The following GSTZ1 variants were observed in gnomAD, a reference collection of about 807,000 sequenced individuals.
GSTZ1 encodes the protein glutathione S-transferase zeta 1, also known as maleylacetoacetate isomerase.
Under a neutral mutation model 35.9 loss-of-function variants are expected in GSTZ1, and 34 were observed. The ratio of observed to expected loss-of-function variants is 0.95; its 90% CI spans 0.72 to 1.26. GSTZ1 has a LOEUF of 1.26. Among genes scored for constraint, GSTZ1 ranks in the 50% most tolerant of loss-of-function variants. GSTZ1 has a pLI of 0.00. For synonymous variants in GSTZ1, 93 were observed against 101.2 expected (o/e 0.92, Z 0.49); for missense variants, 263 against 271.7 (o/e 0.97, Z 0.23).
chr14:77,330,331 T>C lies in GSTZ1; in HGVS notation c.496T>C (p.Leu166=), dbSNP rs149212776. 38 of 1,613,754 alleles carry C rather than the reference T, an allele frequency of 2.4e-5. No homozygotes were observed. The African/African-American group carries it at 4.8e-4, about 20-fold the overall frequency. Residue 166 remains leucine (L), a synonymous_variant, in exon 8 of 9, where the codon TTG becomes CTG. Coordinates refer to ENST00000216465, the MANE Select transcript of GSTZ1 (RefSeq NM_145870.3). ...TCAGGTGACCATGGCTGATCTGTGC[T>C]TGGTGCCTCAGGTGGCAAATGCTGA... ...GDEVTMADLC[L]VPQVANAERF...
At chr14:77,326,800 G>A in intron 2 of GSTZ1, 38 bp from the exon 3 acceptor site, 2 of 1,467,764 alleles carry the variant, frequency 1.4e-6, no homozygotes, top group East Asian at 2.3e-5. Flanking sequence ...TACGGCGAGA[G>A]GCTGTTCTTT....
At chr14:77,327,079 C>T (rs898713748) in intron 3 of GSTZ1, 174 bp downstream of exon 3, 1 of 622,144 alleles carries the variant, frequency 1.6e-6, no homozygotes, top group Non-Finnish European at 2.9e-6. Flanking sequence ...TGTGCAGTAG[C>T]AGGAGGCCTG....
intron 5 of GSTZ1, 98 bp from the exon 6 acceptor site, chr14:77,329,025 G>C (rs1771984840): frequency 5.8e-6 from 5 of 857,590 alleles, no homozygotes; most frequent in Middle Eastern, 2.2e-4. Context: ...CATCCAGCCA[G>C]GGGCAGATGG....
At position 77,324,886 on chromosome 14, in the gene GSTZ1, A is replaced by G. The variant is rs916906051; in HGVS notation, c.32A>G (p.Tyr11Cys). The G allele has an allele frequency of 3.1e-6, 5 of 1,613,816 alleles. No individual in the cohort carries two copies. Among genetic ancestry groups the G allele is most frequent in the Non-Finnish European group, 3.4e-6 (4 of 1,179,886 alleles). The change falls in exon 2 of 9, where the codon TAT (tyrosine) becomes TGT (cysteine). Residue 11 changes from tyrosine to cysteine, a missense_variant. Coordinates refer to ENST00000216465, the MANE Select transcript of GSTZ1 (RefSeq NM_145870.3). ...TCTCCTCAGCCCATCCTCTATTCCT[A>G]TTTCCGAAGCTCCTGCTCATGGAGA... MQAGKPILYS[Y>C]FRSSCSWRVR...
chr14:77,329,756 C>T lies in GSTZ1; in HGVS notation c.423C>T (p.Ala141=), dbSNP rs774185416. ...GATGTTTATGTGGCCTCCCCACAGC[C>T]CTGGAGCAGATCCTACAGAGCACAG... ...AQNAITCGFN[A]LEQILQSTAG... is the part of the protein sequence containing the mutation. The change falls in exon 7 of 9, where the codon GCC becomes GCT. Residue 141 remains alanine (A), a splice_region_variant and synonymous_variant. Coordinates refer to ENST00000216465, the MANE Select transcript of GSTZ1 (RefSeq NM_145870.3). 1.9e-6 allele frequency: 3 copies of T among 1,613,070 alleles called. No homozygotes were observed. The highest frequency in any genetic ancestry group is 2.2e-5 in the South Asian group (2 of 91,044).
chr14:77,329,242 T>C, intron 6 of GSTZ1, 41 bp downstream of exon 6: 1 of 1,296,308 alleles, frequency 7.7e-7, no homozygotes, highest in East Asian at 2.3e-5. Context: ...AGTGGCCTCT[T>C]AGAGGTATGG....
intron 1 of GSTZ1, chr14:77,321,498 A>G (rs1891973317): frequency 3.6e-6 from 5 of 1,405,804 alleles, no homozygotes; most frequent in Non-Finnish European, 4.7e-6. Flanking sequence ...TAAGGCTTCC[A>G]AACGTCGCCC....
Position 77,327,045 on chromosome 14 carries a change from C to T in GSTZ1, c.135+140C>T, listed in dbSNP as rs1000138531. 7 of 673,290 alleles carry T rather than the reference C, an allele frequency of 1.0e-5. No homozygotes were observed. The Admixed American group carries it at 1.4e-4, about 14-fold the overall frequency. 41.7% of individuals were successfully genotyped at this position (673,290 alleles called of 1,614,324 possible). ...ATCACTGCAGGAGGCTGCTGGCTCT[C>T]CCTTGTGGGACAAGGTGGCAAGGTG... On this transcript the variant is annotated intron_variant, in intron 3 of 8. Transcript: ENST00000216465.
intron 1 of GSTZ1, 180 bp from the exon 2 acceptor site, chr14:77,324,690 C>A: frequency 1.5e-6 from 2 of 1,291,660 alleles, no homozygotes; most frequent in Non-Finnish European, 2.2e-6. Context: ...CTCAAACCAG[C>A]ATAATTTTGG....
chr14:77,327,554 T>A lies in GSTZ1; in HGVS notation c.216+2T>A, dbSNP rs1331991786. 6.3e-7 allele frequency: 1 copy of A among 1,593,322 alleles called. No homozygotes were observed. The highest frequency in any genetic ancestry group is 8.6e-7 in the Non-Finnish European group (1 of 1,164,678). On this transcript the variant is annotated splice_donor_variant, in intron 4 of 8. Transcript: ENST00000216465. LOFTEE classifies it high-confidence loss of function. The stretch of plus-strand genomic sequence containing the variant: ...GATGGAATCACCATTCACCAGTCAG[T>A]GAGTGCAGGGCCTGGGGGAGGGCCC...
chr14:77,327,168 GT>G lies in GSTZ1; in HGVS notation c.135+264del, dbSNP rs1004298072. On this transcript the variant is annotated intron_variant, in intron 3 of 8. Transcript: ENST00000216465. ...CCCTGGGAGGGTGGGTGGCTAGTGG[GT>G]CCCCACCCCATACTGGGCCCTCTGG... is the stretch of plus-strand genomic sequence containing the variant. The G allele has an allele frequency of 2.9e-5, 17 of 593,388 alleles. No homozygotes were observed. In the Admixed American group the frequency reaches 4.4e-4, roughly 16 times the overall value. The allele number at this position is 593,388 out of a possible 1,614,324, so 36.8% of individuals were successfully genotyped here.
chr14:77,326,673 A>G, intron 2 of GSTZ1, 165 bp from the exon 3 acceptor site: 1 of 588,630 alleles, frequency 1.7e-6, no homozygotes, highest in Non-Finnish European at 3.1e-6. Flanking sequence ...CGTGGTGACA[A>G]GGAAAGCTGA....
intron 1 of GSTZ1, among the ~76,000 whole-genome samples, chr14:77,322,241 A>G (rs919848162): frequency 6.6e-6 from 1 of 152,200 alleles, no homozygotes; most frequent in African/African-American, 2.4e-5. Context: ...CAGAATGCAT[A>G]TTTGAATTGG....
At chr14:77,323,219 G>A (rs1469941316) in intron 1 of GSTZ1, 2 of 152,096 alleles carry the variant, frequency 1.3e-5, no homozygotes, top group African/African-American at 4.8e-5. Flanking sequence ...CTGGTTGATG[G>A]GGGCCATTAG....
chr14:77,329,989 C>G, intron 7 of GSTZ1, 182 bp downstream of exon 7: 2 of 650,398 alleles, frequency 3.1e-6, no homozygotes, highest in East Asian at 5.4e-5. Flanking sequence ...AGAAGACTGG[C>G]TGTGAGAGGA....
Position 77,324,871 on chromosome 14 carries a change from C to G in GSTZ1, c.17C>G (p.Pro6Arg). The G allele has an allele frequency of 2.5e-6, 4 of 1,613,966 alleles. No individual in the cohort carries two copies. Among genetic ancestry groups the G allele is most frequent in the Non-Finnish European group, 3.4e-6 (4 of 1,179,798 alleles). MQAGK[P>R]ILYSYFRSSC... ...CGCCTTCATCCTCTCTCTCCTCAGC[C>G]CATCCTCTATTCCTATTTCCGAAGC... The change falls in exon 2 of 9, where the codon CCC becomes CGC. Residue 6 changes from proline to arginine, a missense_variant and splice_region_variant. By Grantham distance (103) the Pro-to-Arg change is moderately radical (BLOSUM62 -2). Transcript: ENST00000216465.
At chr14:77,329,068 G>A in intron 5 of GSTZ1, 55 bp from the exon 6 acceptor site, 1 of 1,264,866 alleles carries the variant, frequency 7.9e-7, no homozygotes, top group African/African-American at 1.5e-5. Flanking sequence ...TTTGGCGAAG[G>A]GGTAGCCCCC....
intron 2 of GSTZ1, chr14:77,325,150 G>A (rs1375815515): frequency 1.8e-6 from 1 of 553,844 alleles, no homozygotes; most frequent in African/African-American, 1.9e-5. Context: ...CCTTGGGACT[G>A]ACACTTCTCC....
intron 2 of GSTZ1, chr14:77,325,180 C>A (rs1039136176): frequency 2.1e-6 from 1 of 468,852 alleles, no homozygotes; most frequent in Non-Finnish European, 3.9e-6. Flanking sequence ...TCTCCAAAGC[C>A]CCTTGGCAAC....
Sources: gnomAD v4.1 joint callset for allele counts (sites outside exome capture counted in the v4.1 genomes callset) on GRCh38, gnomAD v4.1.1 for gene constraint, MANE v1.5 for transcripts, NCBI Gene and HGNC (gene_info 2026-07-23, HGNC 2026-07-21) for gene names.